The following MARK4 variants were observed in gnomAD, a reference collection of about 807,000 sequenced individuals.
The protein encoded by MARK4 is MAP/microtubule affinity-regulating kinase 4.
A neutral mutation model predicts 81.5 loss-of-function variants in MARK4; 19 were observed. That is an observed-to-expected ratio of 0.23 (90% CI 0.16 to 0.34). MARK4 has a LOEUF of 0.34. Among genes scored for constraint, MARK4 ranks in the 10% least tolerant of loss-of-function variants. The pLI is 1.00. For synonymous variants in MARK4, 436 were observed against 439.0 expected, an observed-to-expected ratio of 0.99 and a Z score of 0.08; for missense variants, 772 against 1,058.8, an observed-to-expected ratio of 0.73 and a Z score of 3.76.
Position 45,280,405 on chromosome 19 carries a change from A to C in MARK4, c.1038A>C (p.Glu346Asp), listed in dbSNP as rs750413952. 1.2e-6 allele frequency: 2 copies of C among 1,614,178 alleles called. No homozygotes were observed. The highest frequency in any genetic ancestry group is 2.2e-5 in the South Asian group (2 of 91,086). The change falls in exon 11 of 17, where the codon GAA becomes GAC. Residue 346 changes from glutamate to aspartate, a missense_variant. This residue lies in a region of MARK4 where 548 missense variants were observed against 624.3 expected (regional missense o/e 0.88). Transcript: ENST00000262891. ...EVMVGMGYTR[E>D]EIKESLTSQK... ...TGGTGGGTATGGGCTACACACGGGA[A>C]GAAATCAAAGAGTCCTTGACCAGCC...
intron 12 of MARK4, among the ~76,000 whole-genome samples, chr19:45,284,077 G>A (rs1450243716): frequency 1.3e-5 from 2 of 151,866 alleles, no homozygotes; most frequent in Admixed American, 6.6e-5. Flanking sequence ...GAGTACAGTG[G>A]TGCGATGGTG....
At chr19:45,265,194 C>T (rs931283756) in intron 6 of MARK4, among the ~76,000 whole-genome samples, 2 of 151,918 alleles carry the variant, frequency 1.3e-5, no homozygotes, top group East Asian at 1.9e-4. Context: ...GTGTGCCCAG[C>T]GCGTAGGTGT....
At chr19:45,262,841 T>C in intron 2 of MARK4, 1 of 415,742 alleles carries the variant, frequency 2.4e-6, no homozygotes, top group Non-Finnish European at 4.5e-6. Context: ...CTTGGCTCAC[T>C]GCAACCTCTG....
intron 1 of MARK4, 53 bp from the exon 2 acceptor site, chr19:45,258,936 G>T: frequency 1.9e-6 from 3 of 1,580,212 alleles, no homozygotes; most frequent in Non-Finnish European, 2.6e-6. Context: ...ACTAGCCCAC[G>T]GGTTCCACGG....
At chr19:45,264,980 A>G (rs1314876294) in intron 6 of MARK4, 70 bp downstream of exon 6, 6 of 1,526,122 alleles carry the variant, frequency 3.9e-6, no homozygotes, top group African/African-American at 2.7e-5. Flanking sequence ...AGAGCTGGGC[A>G]TGGTCTGGGC....
At position 45,296,759 on chromosome 19, in the gene MARK4, G is replaced by A. The variant is rs1022155123; in HGVS notation, c.1599-917G>A. 3.3e-5 allele frequency among the ~76,000 whole-genome samples: 5 copies of A among 152,328 alleles called. No individual in the cohort carries two copies. In the East Asian group the frequency reaches 9.6e-4, roughly 29 times the overall value. On this transcript the variant is annotated intron_variant, in intron 14 of 16. Coordinates refer to ENST00000262891, the MANE Select transcript of MARK4 (RefSeq NM_001199867.2). ...TGGAGTCCCTGGGAGGATAGAAATT[G>A]GAGGTCTGGGCTGGGCGCAGTGGCT...
chr19:45,279,088 G>A (rs376967855), intron 10 of MARK4, among the ~76,000 whole-genome samples: 2 of 151,732 alleles, frequency 1.3e-5, no homozygotes, highest in East Asian at 3.9e-4. Context: ...AGCCAGTTGT[G>A]GTTGTGTGCA....
intron 1 of MARK4, among the ~76,000 whole-genome samples, chr19:45,253,390 T>C (rs1970269126): frequency 6.6e-6 from 1 of 152,204 alleles, no homozygotes; most frequent in Admixed American, 6.6e-5. Context: ...GTTCCAATGC[T>C]GACATGGCCA....
chr19:45,252,444 C>T (rs934762866), intron 1 of MARK4, among the ~76,000 whole-genome samples: 1 of 152,126 alleles, frequency 6.6e-6, no homozygotes. Context: ...CTCCAGGCCT[C>T]ATCCGCCCTC....
At chr19:45,259,320 G>C in intron 2 of MARK4, 131 bp downstream of exon 2, 1 of 949,330 alleles carries the variant, frequency 1.1e-6, no homozygotes, top group East Asian at 2.6e-5. Flanking sequence ...CTCTCTATGG[G>C]ACAGGTCACA....
chr19:45,262,876 CAA>C, intron 2 of MARK4: 1 of 480,808 alleles, frequency 2.1e-6, no homozygotes, highest in South Asian at 2.2e-5. Context: ...GCGATTCTTC[CAA>C]CTCAGCCTCC....
In MARK4 at chr19:45,251,490, T is replaced by C; in HGVS notation, c.-99T>C. ...CGTTCTCGGCGCCCAGCTTTTGAGC[T>C]CGCGTCCCCAGGCCGGCGGGGGGGG... On this transcript the variant is annotated 5_prime_UTR_variant, in exon 1 of 17. Coordinates refer to ENST00000262891, the MANE Select transcript of MARK4 (RefSeq NM_001199867.2). 1.5e-6 allele frequency: 1 copy of C among 689,564 alleles called. No individual in the cohort carries two copies. The highest frequency in any genetic ancestry group is 2.4e-5 in the South Asian group (1 of 41,276). The allele number at this position is 689,564 out of a possible 1,614,324, so 42.7% of individuals were successfully genotyped here.
chr19:45,279,449 A>G (rs1387534358), intron 10 of MARK4, among the ~76,000 whole-genome samples: 3 of 152,172 alleles, frequency 2.0e-5, no homozygotes, highest in Non-Finnish European at 2.9e-5. Context: ...TCCAGGAGGC[A>G]GAGGTTGCAG....
Position 45,280,687 on chromosome 19 carries a change from G to A in MARK4, c.1229G>A (p.Arg410Gln), listed in dbSNP as rs756740251. The change falls in exon 12 of 17, where the codon CGG becomes CAG. Residue 410 changes from arginine to glutamine, a missense_variant. Arg to Gln is a conservative substitution (Grantham distance 43). Coordinates refer to ENST00000262891, the MANE Select transcript of MARK4 (RefSeq NM_001199867.2). ...SKGTSHSKGQ[R>Q]SSSSTYHRQR... ...GGCACCAGCCACAGCAAAGGGCAGC[G>A]GAGTTCCTCTTCCACCTACCACCGC... 22 of 1,614,002 alleles carry A rather than the reference G, an allele frequency of 1.4e-5. No individual in the cohort carries two copies. Among genetic ancestry groups the A allele is most frequent in the East Asian group, 8.9e-5 (4 of 44,884 alleles).
intron 13 of MARK4, among the ~76,000 whole-genome samples, chr19:45,291,389 G>T (rs547022857): frequency 6.6e-6 from 1 of 152,296 alleles, no homozygotes; most frequent in East Asian, 1.9e-4. Context: ...GCTCATGCCT[G>T]TAAGCCCAAC....
At chr19:45,261,094 T>A (rs746763369) in intron 2 of MARK4, among the ~76,000 whole-genome samples, 1 of 152,128 alleles carries the variant, frequency 6.6e-6, no homozygotes, top group Non-Finnish European at 1.5e-5. Flanking sequence ...TCACGCTGTC[T>A]ACACCATACA....
At chr19:45,289,847 A>G (rs1970798556) in intron 13 of MARK4, among the ~76,000 whole-genome samples, 2 of 152,138 alleles carry the variant, frequency 1.3e-5, no homozygotes, top group South Asian at 4.1e-4. Context: ...CTGTAATTCC[A>G]GCACTTTGCA....
intron 12 of MARK4, among the ~76,000 whole-genome samples, chr19:45,282,449 TGGGAGGCTGAGGGC>T (rs1970688408): frequency 6.6e-6 from 1 of 151,604 alleles, no homozygotes. Flanking sequence ...CCCAGCACTT[TGGGAGGCTGAGGGC>T]AGGAGGATTG....
chr19:45,287,782 C>T, intron 13 of MARK4, 118 bp downstream of exon 13: 1 of 1,125,888 alleles, frequency 8.9e-7, no homozygotes. Context: ...TTCTTCTACC[C>T]ATTCATTCAT....
Sources: allele counts gnomAD v4.1 joint callset (sites outside exome capture counted in the v4.1 genomes callset), GRCh38; gene constraint gnomAD v4.1.1; regional missense constraint gnomAD v4.1.1; transcripts MANE v1.5; gene names NCBI Gene and HGNC (gene_info 2026-07-23, HGNC 2026-07-21).